Variants in GPC5 observed in about 807,000 individuals in gnomAD.
GPC5 encodes the protein glypican 5.
Under a neutral mutation model 53.9 loss-of-function variants are expected in GPC5, and 47 were observed. The ratio of observed to expected loss-of-function variants is 0.87; its 90% confidence interval spans 0.69 to 1.11. GPC5 has a LOEUF of 1.11. Ranked by LOEUF, GPC5 falls within the 50% of genes most tolerant of loss-of-function variation. The probability of loss-of-function intolerance (pLI) is 0.00; values close to 1 mark genes in which losing one functional copy is unlikely to be tolerated. For synonymous variants in GPC5, 286 were observed against 263.3 expected (o/e 1.09, Z -0.84); for missense variants, 748 against 713.1 (o/e 1.05, Z -0.56).
At chr13:92,187,621 T>C (rs2042193377) in intron 7 of GPC5, among the ~76,000 whole-genome samples, 1 of 152,242 alleles carries the variant, frequency 6.6e-6, no homozygotes, top group African/African-American at 2.4e-5. Context: ...AGGTGGGTGC[T>C]GTGAAGAGAT....
chr13:92,445,915 C>T (rs575443748), intron 7 of GPC5, among the ~76,000 whole-genome samples: 53 of 152,124 alleles, frequency 3.5e-4, no homozygotes, highest in African/African-American at 1.2e-3. Context: ...TAGGCATGAG[C>T]CACTGTGCCA....
chr13:92,496,530 A>G (rs1322018009), intron 7 of GPC5, among the ~76,000 whole-genome samples: 1 of 152,188 alleles, frequency 6.6e-6, no homozygotes. Flanking sequence ...ATGAAAACAA[A>G]TAAATGCAAA....
chr13:91,853,235 C>T (rs145184187), intron 5 of GPC5, among the ~76,000 whole-genome samples: 36 of 152,008 alleles, frequency 2.4e-4, no homozygotes, highest in Non-Finnish European at 5.2e-4. Flanking sequence ...TCTAACTTTT[C>T]AAGTTTTTTG....
chr13:92,047,532 T>G (rs1358832139), intron 6 of GPC5, among the ~76,000 whole-genome samples: 1 of 151,500 alleles, frequency 6.6e-6, no homozygotes, highest in Non-Finnish European at 1.5e-5. Flanking sequence ...ATCATTATTA[T>G]TATTATCACA....
intron 7 of GPC5, among the ~76,000 whole-genome samples, chr13:92,607,350 A>T (rs758958172): frequency 6.6e-6 from 1 of 152,202 alleles, no homozygotes; most frequent in East Asian, 1.9e-4. Context: ...ACTAGTGGCA[A>T]CTTCAATTCT....
intron 6 of GPC5, among the ~76,000 whole-genome samples, chr13:92,048,064 T>G (rs2040997707): frequency 6.6e-6 from 1 of 151,856 alleles, no homozygotes; most frequent in Non-Finnish European, 1.5e-5. Context: ...GAAACACAGT[T>G]GTATATAGTG....
intron 2 of GPC5, among the ~76,000 whole-genome samples, chr13:91,546,825 A>G (rs574560858): frequency 8.5e-5 from 13 of 152,104 alleles, no homozygotes; most frequent in Admixed American, 1.3e-4. Flanking sequence ...TTTGCCTTTA[A>G]AAAAGATCAC....
intron 6 of GPC5, among the ~76,000 whole-genome samples, chr13:91,975,627 G>T (rs2040292707): frequency 6.6e-6 from 1 of 152,198 alleles, no homozygotes; most frequent in South Asian, 2.1e-4. Flanking sequence ...AACAACAGGT[G>T]CTGGAGAGGA....
At chr13:92,819,221 T>C (rs971631676) in intron 7 of GPC5, among the ~76,000 whole-genome samples, 2 of 152,012 alleles carry the variant, frequency 1.3e-5, no homozygotes, top group African/African-American at 4.8e-5. Flanking sequence ...AATTTTTAAA[T>C]GCATAGGATA....
intron 4 of GPC5, among the ~76,000 whole-genome samples, chr13:91,756,000 T>C (rs1594526922): frequency 1.3e-5 from 2 of 151,524 alleles, no homozygotes; most frequent in East Asian, 1.9e-4. Flanking sequence ...ACTTCTTGCA[T>C]GTGAAGTTAC....
At chr13:92,379,224 T>C (rs1042258782) in intron 7 of GPC5, among the ~76,000 whole-genome samples, 2 of 152,208 alleles carry the variant, frequency 1.3e-5, no homozygotes, top group Non-Finnish European at 2.9e-5. Context: ...CAGAGATCTT[T>C]TGGTTTTCTG....
chr13:92,596,689 G>A (rs534325835), intron 7 of GPC5, among the ~76,000 whole-genome samples: 1 of 152,058 alleles, frequency 6.6e-6, no homozygotes, highest in Non-Finnish European at 1.5e-5. Context: ...GGCCAGGATG[G>A]TCTCAATCTC....
intron 6 of GPC5, among the ~76,000 whole-genome samples, chr13:92,075,128 G>A (rs1343777332): frequency 6.6e-6 from 1 of 152,072 alleles, no homozygotes; most frequent in African/African-American, 2.4e-5. Flanking sequence ...ATGCCAAAAA[G>A]AATCCACTTA....
intron 6 of GPC5, among the ~76,000 whole-genome samples, chr13:92,111,899 T>C (rs1339035316): frequency 3.9e-5 from 6 of 152,216 alleles, no homozygotes; most frequent in Non-Finnish European, 7.3e-5. Flanking sequence ...AAAGTTTATA[T>C]GAATGCAATG....
At chr13:91,715,143 C>A (rs1472826830) in intron 3 of GPC5, among the ~76,000 whole-genome samples, 1 of 152,156 alleles carries the variant, frequency 6.6e-6, no homozygotes, top group Admixed American at 6.5e-5. Flanking sequence ...AGGGTGTTGC[C>A]ATGGCAATGG....
At chr13:92,256,319 T>C (rs1333236546) in intron 7 of GPC5, among the ~76,000 whole-genome samples, 1 of 151,998 alleles carries the variant, frequency 6.6e-6, no homozygotes, top group Non-Finnish European at 1.5e-5. Context: ...ATCTCGAATA[T>C]TTATAAGATT....
intron 7 of GPC5, among the ~76,000 whole-genome samples, chr13:92,179,486 C>G (rs1057438721): frequency 6.6e-6 from 1 of 152,186 alleles, no homozygotes; most frequent in Non-Finnish European, 1.5e-5. Flanking sequence ...ACTAATTTGT[C>G]GTGGTCTCTC....
intron 6 of GPC5, among the ~76,000 whole-genome samples, chr13:92,065,119 C>T (rs535289685): frequency 5.6e-4 from 86 of 152,264 alleles, no homozygotes; most frequent in Middle Eastern, 3.4e-3. Flanking sequence ...TAAATTCGAT[C>T]AAATTCTCTT....
chr13:91,497,556 C>G (rs1884345186), intron 2 of GPC5, among the ~76,000 whole-genome samples: 1 of 152,146 alleles, frequency 6.6e-6, no homozygotes, highest in South Asian at 2.1e-4. Context: ...ATATACTCAC[C>G]TTCCTAACCA....
Sources: allele counts gnomAD v4.1 joint callset (sites outside exome capture counted in the v4.1 genomes callset), GRCh38; gene constraint gnomAD v4.1.1; transcripts MANE v1.5; gene names NCBI Gene and HGNC (gene_info 2026-07-23, HGNC 2026-07-21).